Variants in UIMC1 observed in about 807,000 individuals in gnomAD.
UIMC1 encodes the protein ubiquitin interaction motif containing 1.
Under a neutral mutation model 84.9 loss-of-function variants are expected in UIMC1, and 42 were observed. The observed-to-expected ratio is 0.49, with a 90% CI of 0.39 to 0.64. UIMC1 has a LOEUF of 0.64. Among genes scored for constraint, UIMC1 ranks in the 30% least tolerant of loss-of-function variants. The pLI is 0.00. For synonymous variants in UIMC1, 281 were observed against 293.0 expected, an observed-to-expected ratio of 0.96 and a Z score of 0.42; for missense variants, 825 against 847.6, an observed-to-expected ratio of 0.97 and a Z score of 0.33.
chr5:176,976,940 G>A (rs1770170752), intron 2 of UIMC1, among the ~76,000 whole-genome samples: 1 of 152,048 alleles, frequency 6.6e-6, no homozygotes, highest in South Asian at 2.1e-4. Context: ...AATTAACTGT[G>A]GGCCAGGCGC....
intron 11 of UIMC1, among the ~76,000 whole-genome samples, chr5:176,910,286 A>G (rs1235861249): frequency 6.6e-6 from 1 of 152,216 alleles, no homozygotes; most frequent in East Asian, 1.9e-4. Flanking sequence ...CAAAGATAAA[A>G]GTTTCTGCTT....
Position 176,942,691 on chromosome 5 carries a change from A to G in UIMC1, c.1597+644T>C, listed in dbSNP as rs934707402. ...AACCCAGGAGGCGGAGCTTTCAGTG[A>G]GCCAAGATCGCACCACTGCACTCCA... On this transcript the variant is annotated intron_variant, in intron 10 of 14. Coordinates refer to ENST00000511320, the MANE Select transcript of UIMC1 (RefSeq NM_001199298.2). Among the ~76,000 whole-genome samples the G allele has an allele frequency of 3.4e-5, 5 of 147,454 alleles. No individual in the cohort carries two copies. In the Admixed American group the frequency reaches 3.5e-4, roughly 10 times the overall value.
chr5:176,920,219 A>G (rs6887039), intron 10 of UIMC1, among the ~76,000 whole-genome samples: 138,181 of 151,964 alleles, frequency 0.91, 62,930 homozygotes, highest in East Asian at 0.99. Flanking sequence ...GTAGAGACGG[A>G]GTTTCTCCAC....
chr5:176,940,724 T>C (rs542538592), intron 10 of UIMC1, among the ~76,000 whole-genome samples: 1 of 152,276 alleles, frequency 6.6e-6, no homozygotes, highest in South Asian at 2.1e-4. Context: ...ATGCTATGCA[T>C]AGAGACCCTT....
chr5:176,995,843 C>CAAAAAAAAAA (rs34672103), intron 1 of UIMC1, among the ~76,000 whole-genome samples: 1 of 79,616 alleles, frequency 1.3e-5, no homozygotes, highest in Admixed American at 1.6e-4. Flanking sequence ...AACTCCATCT[C>CAAAAAAAAAA]AAAAAAAAAA....
intron 12 of UIMC1, among the ~76,000 whole-genome samples, chr5:176,907,890 T>C (rs759829453): frequency 2.6e-5 from 4 of 152,220 alleles, no homozygotes; most frequent in Non-Finnish European, 5.9e-5. Context: ...AAGGAAATAA[T>C]CAGTGGTACA....
intron 10 of UIMC1, among the ~76,000 whole-genome samples, chr5:176,913,597 T>A (rs1013806427): frequency 9.9e-5 from 15 of 152,226 alleles, no homozygotes; most frequent in African/African-American, 3.6e-4. Flanking sequence ...TGTGTTTGCT[T>A]TATTGACAAT....
intron 6 of UIMC1, among the ~76,000 whole-genome samples, chr5:176,965,263 T>C (rs2149478088): frequency 6.6e-6 from 1 of 152,028 alleles, no homozygotes; most frequent in South Asian, 2.1e-4. Context: ...CTATTAAAAA[T>C]ACATAAAAAA....
chr5:176,981,181 G>A (rs1296220167), intron 2 of UIMC1, among the ~76,000 whole-genome samples: 1 of 132,186 alleles, frequency 7.6e-6, no homozygotes, highest in East Asian at 2.2e-4. Context: ...GTCTCCCTCT[G>A]TCACCCAGGC....
At chr5:176,920,797 T>G (rs1330036214) in intron 10 of UIMC1, among the ~76,000 whole-genome samples, 1 of 152,256 alleles carries the variant, frequency 6.6e-6, no homozygotes, top group East Asian at 1.9e-4. Context: ...CTGTCCTGGC[T>G]AGAACCTCCT....
At chr5:176,939,470 A>T (rs1303017288) in intron 10 of UIMC1, among the ~76,000 whole-genome samples, 1 of 152,168 alleles carries the variant, frequency 6.6e-6, no homozygotes, top group Non-Finnish European at 1.5e-5. Flanking sequence ...CCATAAAATT[A>T]TAATACCATA....
intron 10 of UIMC1, among the ~76,000 whole-genome samples, chr5:176,924,134 A>G (rs1246194902): frequency 6.6e-6 from 1 of 151,502 alleles, no homozygotes; most frequent in African/African-American, 2.4e-5. Flanking sequence ...CCTGGCCAAC[A>G]TGGCGAAACC....
chr5:176,949,480 A>G (rs1484974583), intron 9 of UIMC1, among the ~76,000 whole-genome samples: 2 of 152,212 alleles, frequency 1.3e-5, no homozygotes, highest in African/African-American at 4.8e-5. Flanking sequence ...TATGGTAATA[A>G]TATTCTATTC....
chr5:176,927,942 C>G (rs1581410369), intron 10 of UIMC1, among the ~76,000 whole-genome samples: 1 of 151,156 alleles, frequency 6.6e-6, no homozygotes, highest in East Asian at 1.9e-4. Flanking sequence ...ACCTCTGACT[C>G]CTGGGTTCAC....
intron 1 of UIMC1, among the ~76,000 whole-genome samples, chr5:177,014,732 T>G (rs1484219380): frequency 4.6e-5 from 7 of 151,988 alleles, no homozygotes; most frequent in Admixed American, 4.6e-4. Context: ...GCAATGGGAA[T>G]AGAATGAATA....
At chr5:177,018,347 C>G in intron 1 of UIMC1, among the ~76,000 whole-genome samples, 1 of 122,656 alleles carries the variant, frequency 8.2e-6, no homozygotes, top group Admixed American at 7.6e-5. Flanking sequence ...GAGACTCTGT[C>G]TCAAAAAAAA....
chr5:176,939,962 A>G (rs1216836541), intron 10 of UIMC1, among the ~76,000 whole-genome samples: 1 of 152,310 alleles, frequency 6.6e-6, no homozygotes, highest in East Asian at 1.9e-4. Context: ...CGATATCCAG[A>G]GTGTAAATCC....
chr5:176,918,825 C>T (rs1046872327), intron 10 of UIMC1, among the ~76,000 whole-genome samples: 2 of 152,118 alleles, frequency 1.3e-5, no homozygotes, highest in African/African-American at 4.8e-5. Context: ...TTGCGCAATC[C>T]GACTTTGGTT....
chr5:176,941,483 TTAAG>T (rs1377646961), intron 10 of UIMC1, among the ~76,000 whole-genome samples: 4 of 152,240 alleles, frequency 2.6e-5, no homozygotes, highest in African/African-American at 4.8e-5. Context: ...ATTTATTAAA[TTAAG>T]TGTTTATGTA....
Sources: gnomAD v4.1 joint callset for allele counts (sites outside exome capture counted in the v4.1 genomes callset) on GRCh38, gnomAD v4.1.1 for gene constraint, MANE v1.5 for transcripts, NCBI Gene and HGNC (gene_info 2026-07-23, HGNC 2026-07-21) for gene names.